The following BICRA variants were observed in gnomAD, a reference collection of about 807,000 sequenced individuals.
BICRA encodes the protein BRD4 interacting chromatin remodeling complex associated protein, also known as BRD4-interacting chromatin-remodeling complex-associated protein.
In BICRA, 31 loss-of-function variants were observed where a neutral mutation model predicts 96.9. That is an observed-to-expected ratio of 0.32 (90% CI 0.24 to 0.43). BICRA has a LOEUF of 0.43. Ranked by LOEUF, BICRA falls within the 20% of genes least tolerant of loss-of-function variation. The pLI, the probability that BICRA is intolerant of heterozygous loss-of-function variation, is 1.00. For missense variants in BICRA, 2,283 were observed against 2,190.3 expected, an observed-to-expected ratio of 1.04 and a Z score of -0.84; for synonymous variants, 1,350 against 1,071.8, an observed-to-expected ratio of 1.26 and a Z score of -5.07.
chr19:47,659,913 C>T (rs1568561038), intron 1 of BICRA, among the ~76,000 whole-genome samples: 1 of 152,076 alleles, frequency 6.6e-6, no homozygotes, highest in Non-Finnish European at 1.5e-5. Context: ...GCATACCTGG[C>T]TAATTTGTAA....
chr19:47,650,218 C>T (rs1190957076), intron 1 of BICRA, among the ~76,000 whole-genome samples: 4 of 152,042 alleles, frequency 2.6e-5, no homozygotes, highest in Non-Finnish European at 5.9e-5. Context: ...TGCAACCCTC[C>T]ACCACCCAGG....
chr19:47,695,166 G>C, intron 9 of BICRA, 86 bp downstream of exon 9: 1 of 938,828 alleles, frequency 1.1e-6, no homozygotes. Flanking sequence ...GGCTGGGGCA[G>C]GGCTGTGGGA....
chr19:47,654,715 G>A (rs1309270193), intron 1 of BICRA, among the ~76,000 whole-genome samples: 1 of 151,914 alleles, frequency 6.6e-6, no homozygotes, highest in Non-Finnish European at 1.5e-5. Flanking sequence ...CACTTTGGGA[G>A]GCTGAGGTGG....
intron 1 of BICRA, among the ~76,000 whole-genome samples, chr19:47,630,256 G>A (rs1323626619): frequency 6.6e-6 from 1 of 151,108 alleles, no homozygotes; most frequent in East Asian, 1.9e-4. Flanking sequence ...CGCCTCCTGG[G>A]TTCACGCCAT....
chr19:47,620,533 TG>T (rs1391277013), intron 1 of BICRA, among the ~76,000 whole-genome samples: 1 of 151,714 alleles, frequency 6.6e-6, no homozygotes, highest in Non-Finnish European at 1.5e-5. Flanking sequence ...CCGAGCATGG[TG>T]GTGCATGCTT....
At chr19:47,627,958 C>T (rs771565574) in intron 1 of BICRA, among the ~76,000 whole-genome samples, 4 of 152,040 alleles carry the variant, frequency 2.6e-5, no homozygotes, top group Non-Finnish European at 5.9e-5. Flanking sequence ...TTAGTAGAGA[C>T]GGGATTTCTT....
rs969141645 is a variant in BICRA, at chr19:47,701,120, G to T, written c.3596-208G>T. ...CTGAATGAGCCCCACGTGGCTCGTG[G>T]CGCTGTGCCAGGCACAGTGGTTTTA... On this transcript the variant is annotated intron_variant, in intron 14 of 14. Coordinates refer to ENST00000594866, the MANE Select transcript of BICRA (RefSeq NM_001394372.1). This position sits in a 1 kb window ranked among gnomAD's most constrained non-coding sequence, Gnocchi z 5.4. The T allele has an allele frequency of 3.4e-6, 2 of 581,238 alleles. No individual in the cohort carries two copies. The highest frequency in any genetic ancestry group is 6.1e-6 in the Non-Finnish European group (2 of 330,548). The allele number at this position is 581,238 out of a possible 1,614,324, so 36.0% of individuals were successfully genotyped here.
At chr19:47,670,764 G>A (rs1011317530) in intron 2 of BICRA, among the ~76,000 whole-genome samples, 10 of 152,182 alleles carry the variant, frequency 6.6e-5, no homozygotes, top group Admixed American at 2.6e-4. Flanking sequence ...CTTTCTCTCT[G>A]CCCCTTTCCC....
At chr19:47,631,551 G>T (rs182606949) in intron 1 of BICRA, among the ~76,000 whole-genome samples, 1 of 152,062 alleles carries the variant, frequency 6.6e-6, no homozygotes, top group African/African-American at 2.4e-5. Flanking sequence ...TTTTTGTAGA[G>T]GCAGGAACTC....
rs550147070 is a variant in BICRA, at chr19:47,629,095, G to A, written c.-108+19927G>A. ...CGGCTCACTGCAAGCTCCGCTTCCC[G>A]GGTTCAAACCATTCTCCTGCCTCAG... On this transcript the variant is annotated intron_variant, in intron 1 of 14. Transcript: ENST00000594866. Among the ~76,000 whole-genome samples, 18 of 152,138 alleles carry A rather than the reference G, an allele frequency of 1.2e-4. No individual in the cohort carries two copies. In the South Asian group the frequency reaches 2.3e-3, roughly 19 times the overall value.
chr19:47,653,247 T>C lies in BICRA; in HGVS notation c.-107-17196T>C, dbSNP rs147691903. ...CATGTTGGCCAGGCTGGTCTCAAAC[T>C]CCTGACCTCAAGTGATCCGCCTGCC... On this transcript the variant is annotated intron_variant, in intron 1 of 14. Coordinates refer to ENST00000594866, the MANE Select transcript of BICRA (RefSeq NM_001394372.1). Among the ~76,000 whole-genome samples, 727 of 151,930 alleles carry C rather than the reference T, an allele frequency of 4.8e-3. 14 individuals carry two copies. The highest frequency in any genetic ancestry group is 0.022 in the Admixed American group (340 of 15,252).
chr19:47,651,574 T>C (rs1469281036), intron 1 of BICRA, among the ~76,000 whole-genome samples: 1 of 152,142 alleles, frequency 6.6e-6, no homozygotes, highest in East Asian at 1.9e-4. Context: ...CAGGGATGAC[T>C]TCCTCACTCC....
chr19:47,681,426 G>C, intron 6 of BICRA, 150 bp downstream of exon 6: 1 of 725,702 alleles, frequency 1.4e-6, no homozygotes, highest in South Asian at 1.7e-5. Context: ...TGGCCCCTAA[G>C]AGGAGGCCCG....
intron 7 of BICRA, among the ~76,000 whole-genome samples, chr19:47,693,353 C>T (rs890299925): frequency 8.5e-5 from 13 of 152,236 alleles, no homozygotes; most frequent in South Asian, 2.1e-4. Context: ...GAGTCTGGTA[C>T]GTCGTGCACA....
In BICRA at chr19:47,680,375, C is replaced by T. The variant is rs968335581; in HGVS notation, c.1205C>T (p.Ala402Val). The change falls in exon 6 of 15, where the codon GCG (alanine) becomes GTG (valine). Residue 402 changes from alanine to valine, a missense_variant. Physicochemically the swap from Ala to Val is moderately conservative, Grantham distance 64 (BLOSUM62 0). Transcript: ENST00000594866. Reference sequence around the variant, plus strand: ...CCGCAGAACCTGACGTTCATGGCGGCGGGGAAGGCGGGCCAGAACGTGGTG... The same window carrying T: ...CCGCAGAACCTGACGTTCATGGCGGTGGGGAAGGCGGGCCAGAACGTGGTG... Reference protein sequence around the residue: ...KAPQNLTFMAAGKAGQNVVLS... With the variant: ...KAPQNLTFMAVGKAGQNVVLS... 2.0e-6 allele frequency: 3 copies of T among 1,529,212 alleles called. No individual in the cohort carries two copies. Among genetic ancestry groups the T allele is most frequent in the Middle Eastern group, 1.7e-4 (1 of 5,982 alleles). The allele number at this position is 1,529,212 out of a possible 1,614,324, so 94.7% of individuals were successfully genotyped here.
intron 1 of BICRA, among the ~76,000 whole-genome samples, chr19:47,669,629 T>G (rs1972833285): frequency 6.6e-6 from 1 of 152,120 alleles, no homozygotes; most frequent in African/African-American, 2.4e-5. Context: ...AGTGTGGTTT[T>G]GTTCTATTTA....
chr19:47,612,934 ATAAG>A (rs1299675593), intron 1 of BICRA, among the ~76,000 whole-genome samples: 1 of 151,290 alleles, frequency 6.6e-6, no homozygotes, highest in Non-Finnish European at 1.5e-5. Context: ...GATGACAGGC[ATAAG>A]TAATAAGAAT....
intron 5 of BICRA, chr19:47,679,027 A>G (rs1355692722): frequency 3.6e-6 from 1 of 274,674 alleles, no homozygotes; most frequent in African/African-American, 2.2e-5. Flanking sequence ...CAGCCTCCCA[A>G]GTAGCTAAGA....
In BICRA at chr19:47,699,068, A is replaced by G; in HGVS notation, c.3492+9A>G. On this transcript the variant is annotated intron_variant, in intron 13 of 14. Coordinates refer to ENST00000594866, the MANE Select transcript of BICRA (RefSeq NM_001394372.1). The surrounding 1 kb of genome is among the most constrained non-coding windows in gnomAD (Gnocchi z 5.0). The stretch of plus-strand genomic sequence containing the variant: ...TCCTGGAGGAGTCCCGGGTAGGGTC[A>G]GAGTCGCCTTCCTCGCCTCTGGGCT... The G allele has an allele frequency of 1.3e-6, 2 of 1,532,902 alleles. No homozygotes were observed. Among genetic ancestry groups the G allele is most frequent in the East Asian group, 4.8e-5 (2 of 41,296 alleles). The allele number at this position is 1,532,902 out of a possible 1,614,324, so 95.0% of individuals were successfully genotyped here. A position where few individuals can be genotyped will look rare whatever the true frequency, so the allele number is the denominator to read the frequency against.
Sources: allele counts gnomAD v4.1 joint callset (sites outside exome capture counted in the v4.1 genomes callset), GRCh38; gene constraint gnomAD v4.1.1; non-coding constraint Gnocchi (gnomAD v3.1); transcripts MANE v1.5; gene names NCBI Gene and HGNC (gene_info 2026-07-23, HGNC 2026-07-21).